SRD5A2: variants seen among roughly 807,000 people sequenced by gnomAD.
SRD5A2 encodes the protein 3-oxo-5-alpha-steroid 4-dehydrogenase 2.
A neutral mutation model predicts 27.4 loss-of-function variants in SRD5A2; 30 were observed. The ratio of observed to expected loss-of-function variants is 1.10; its 90% confidence interval spans 0.82 to 1.49. The LOEUF (loss-of-function observed/expected upper bound fraction) is 1.49. Among genes scored for constraint, SRD5A2 ranks in the 40% most tolerant of loss-of-function variants. SRD5A2 has a pLI of 0.00. For synonymous variants in SRD5A2, 141 were observed against 133.6 expected, an observed-to-expected ratio of 1.06 and a Z score of -0.38; for missense variants, 348 against 323.4, an observed-to-expected ratio of 1.08 and a Z score of -0.58.
At chr2:31,652,384 G>T in the SRD5A2 span, among the ~76,000 whole-genome samples, 1 of 152,014 alleles carries the variant, frequency 6.6e-6, no homozygotes, top group Non-Finnish European at 1.5e-5. Flanking sequence ...TTGCATTTGA[G>T]TTGGTCAAAA....
chr2:31,628,103 T>G, the SRD5A2 span, among the ~76,000 whole-genome samples: 1 of 152,160 alleles, frequency 6.6e-6, no homozygotes, highest in African/African-American at 2.4e-5. Flanking sequence ...TTGTGGGATG[T>G]CTTAATCTTT....
At chr2:31,623,215 C>G in the SRD5A2 span, among the ~76,000 whole-genome samples, 1 of 152,046 alleles carries the variant, frequency 6.6e-6, no homozygotes, top group Non-Finnish European at 1.5e-5. Context: ...TGCTTTACAA[C>G]CCATTTTGAA....
intron 1 of SRD5A2, among the ~76,000 whole-genome samples, chr2:31,545,751 C>T (rs1161649033): frequency 6.6e-6 from 1 of 152,120 alleles, no homozygotes; most frequent in Non-Finnish European, 1.5e-5. Flanking sequence ...AGATACAAAT[C>T]AGAAAGAAGG....
chr2:31,630,959 T>C, the SRD5A2 span, among the ~76,000 whole-genome samples: 2 of 152,190 alleles, frequency 1.3e-5, no homozygotes, highest in African/African-American at 4.8e-5. Context: ...AGGGAGACTC[T>C]TTTGGAAGCA....
At position 31,577,968 on chromosome 2, in the gene SRD5A2, A is replaced by T. The variant is rs560080460; in HGVS notation, c.281+2652T>A. Among the ~76,000 whole-genome samples the T allele has an allele frequency of 2.6e-5, 4 of 152,334 alleles. No homozygotes were observed. The South Asian group carries it at 8.3e-4, about 32-fold the overall frequency. On this transcript the variant is annotated intron_variant, in intron 1 of 4. Transcript: ENST00000622030. ...TAAATGTCCAACTATAAATGAATAT[A>T]TAGGTAAATTATTATTTTTACAGTA...
At chr2:31,626,155 C>CTG in the SRD5A2 span, among the ~76,000 whole-genome samples, 1 of 151,550 alleles carries the variant, frequency 6.6e-6, no homozygotes, top group Non-Finnish European at 1.5e-5. Context: ...TGATTTGGCT[C>CTG]TTTGTCTGTT....
At chr2:31,567,114 G>A (rs574032229) in intron 1 of SRD5A2, among the ~76,000 whole-genome samples, 1 of 152,226 alleles carries the variant, frequency 6.6e-6, no homozygotes, top group East Asian at 1.9e-4. Flanking sequence ...ATCCCCAATT[G>A]TAGAGCATTT....
chr2:31,658,755 G>A, the SRD5A2 span, among the ~76,000 whole-genome samples: 1 of 151,876 alleles, frequency 6.6e-6, no homozygotes, highest in Admixed American at 6.6e-5. Flanking sequence ...AAAAGTTCAG[G>A]CCAGATGAAT....
At chr2:31,570,766 C>T (rs1666833307) in intron 1 of SRD5A2, among the ~76,000 whole-genome samples, 1 of 152,130 alleles carries the variant, frequency 6.6e-6, no homozygotes, top group African/African-American at 2.4e-5. Context: ...AGAATGCAAT[C>T]CCATTCATGA....
upstream of SRD5A2, among the ~76,000 whole-genome samples, chr2:31,583,642 AAAAAAAAACC>A (rs1667124645): frequency 1.7e-4 from 5 of 29,348 alleles, no homozygotes; most frequent in Non-Finnish European, 2.5e-4. Context: ...AAAAAAAGCA[AAAAAAAAACC>A]AAAAAAAAAG....
intron 1 of SRD5A2, among the ~76,000 whole-genome samples, chr2:31,542,599 T>C (rs1666152256): frequency 6.6e-6 from 1 of 152,016 alleles, no homozygotes. Context: ...AATAAAGATT[T>C]TGAAAACCTA....
chr2:31,618,991 A>G, the SRD5A2 span, among the ~76,000 whole-genome samples: 1 of 152,166 alleles, frequency 6.6e-6, no homozygotes, highest in Non-Finnish European at 1.5e-5. Context: ...CAAAATTTTA[A>G]GTGTGCAAAG....
the SRD5A2 span, among the ~76,000 whole-genome samples, chr2:31,609,372 A>T: frequency 1.3e-5 from 2 of 152,142 alleles, no homozygotes; most frequent in African/African-American, 4.8e-5. Flanking sequence ...CTTAGTACAA[A>T]ATAACAATAA....
At chr2:31,625,706 T>C in the SRD5A2 span, among the ~76,000 whole-genome samples, 2 of 152,214 alleles carry the variant, frequency 1.3e-5, no homozygotes, top group Admixed American at 6.5e-5. Flanking sequence ...CTCTGTTCTG[T>C]TGCATTGATC....
At chr2:31,641,643 A>G in the SRD5A2 span, among the ~76,000 whole-genome samples, 1 of 152,176 alleles carries the variant, frequency 6.6e-6, no homozygotes, top group Non-Finnish European at 1.5e-5. Flanking sequence ...TATTCCTAAG[A>G]TAGAAAGGTT....
the SRD5A2 span, among the ~76,000 whole-genome samples, chr2:31,601,569 G>T: frequency 6.6e-6 from 1 of 151,972 alleles, no homozygotes; most frequent in African/African-American, 2.4e-5. Flanking sequence ...CATTCTATGA[G>T]GCCAACATCA....
chr2:31,581,202 T>C, upstream of SRD5A2: 1 of 430,998 alleles, frequency 2.3e-6, no homozygotes, highest in Non-Finnish European at 4.1e-6. Context: ...TCCTCAACTA[T>C]TAGCGTCTGA....
intron 1 of SRD5A2, among the ~76,000 whole-genome samples, chr2:31,538,234 G>A (rs754523829): frequency 2.6e-4 from 39 of 152,038 alleles, no homozygotes; most frequent in African/African-American, 6.8e-4. Context: ...CACTTCCCTC[G>A]GTCTTCCCCA....
In SRD5A2 at chr2:31,531,416, G is replaced by A. The variant is rs374399753; in HGVS notation, c.502C>T (p.Arg168Cys). ...GINIHSDYILRQLRKPGEISY... is the reference protein window; with the variant it reads ...GINIHSDYILCQLRKPGEISY... ...ATTTCTCCAGGCTTCCTGAGCTGGC[G>A]CAATATATAGTCACTATGAATGTTT... Residue 168 changes from arginine to cysteine, a missense_variant, in exon 3 of 5, where the codon CGC becomes TGC. Transcript: ENST00000622030. 3.8e-4 allele frequency: 614 copies of A among 1,599,298 alleles called. 2 individuals are homozygous for A. The highest frequency in any genetic ancestry group is 1.0e-4 in the Non-Finnish European group (121 of 1,172,656).
Sources: gnomAD v4.1 joint callset for allele counts (sites outside exome capture counted in the v4.1 genomes callset) on GRCh38, gnomAD v4.1.1 for gene constraint, MANE v1.5 for transcripts, NCBI Gene and HGNC (gene_info 2026-07-23, HGNC 2026-07-21) for gene names.